CDYL2: variants seen among roughly 807,000 people sequenced by gnomAD.
CDYL2 encodes the protein chromodomain Y like 2.
CDYL2 carries 23 observed loss-of-function variants against 49.4 expected under a neutral mutation model. The ratio of observed to expected loss-of-function variants is 0.47; its 90% CI spans 0.34 to 0.66. The LOEUF is 0.66. Ranked by LOEUF, CDYL2 falls within the 30% of genes least tolerant of loss-of-function variation. The pLI, the probability that CDYL2 is intolerant of heterozygous loss-of-function variation, is 0.01. For missense variants in CDYL2, 678 were observed against 656.4 expected, an observed-to-expected ratio of 1.03 and a Z score of -0.36; for synonymous variants, 360 against 268.8, an observed-to-expected ratio of 1.34 and a Z score of -3.32.
chr16:80,726,297 T>C (rs1905160323), intron 1 of CDYL2, among the ~76,000 whole-genome samples: 1 of 152,220 alleles, frequency 6.6e-6, no homozygotes, highest in South Asian at 2.1e-4. Flanking sequence ...CATTTGTTTT[T>C]AAAACCAACA....
chr16:80,662,244 G>T (rs117637244), intron 2 of CDYL2, among the ~76,000 whole-genome samples: 2 of 152,168 alleles, frequency 1.3e-5, no homozygotes, highest in Non-Finnish European at 2.9e-5. Flanking sequence ...AGAACACAGC[G>T]TGAGTGCTAT....
At chr16:80,682,914 G>A (rs6564779) in intron 2 of CDYL2, among the ~76,000 whole-genome samples, 90,087 of 152,080 alleles carry the variant, frequency 0.59, 27,197 homozygotes, top group Middle Eastern at 0.75. Flanking sequence ...AGACGGAAAC[G>A]TGAGTCAGTC....
intron 1 of CDYL2, among the ~76,000 whole-genome samples, chr16:80,697,782 AAG>A (rs1279307368): frequency 6.6e-6 from 1 of 152,174 alleles, no homozygotes; most frequent in Non-Finnish European, 1.5e-5. Context: ...CTAGCTGAAA[AAG>A]AAATCCCATT....
At position 80,600,067 on chromosome 16, in the gene CDYL2, G is replaced by C. The variant is rs945597010; in HGVS notation, c.*4321C>G. On this transcript the variant is annotated 3_prime_UTR_variant, in exon 7 of 7. Transcript: ENST00000570137. ...CACAAACTCCATCAACTGCCACACAGTGAGAATTTACGGGGAGATCTTAAA... is the reference window on the plus strand; with the variant it reads ...CACAAACTCCATCAACTGCCACACACTGAGAATTTACGGGGAGATCTTAAA... 10 of 152,214 alleles carry C rather than the reference G, an allele frequency of 6.6e-5. No individual in the cohort carries two copies. Among genetic ancestry groups the C allele is most frequent in the African/African-American group, 2.4e-4 (10 of 41,456 alleles). 9.4% of individuals were successfully genotyped at this position (152,214 alleles called of 1,614,324 possible).
chr16:80,604,601 A>T, intron 6 of CDYL2, 55 bp from the exon 7 acceptor site: 1 of 1,594,202 alleles, frequency 6.3e-7, no homozygotes, highest in Non-Finnish European at 8.6e-7. Flanking sequence ...CTGCTCCAGA[A>T]CTAGGTACCT....
At chr16:80,621,593 T>C (rs1028529199) in intron 3 of CDYL2, among the ~76,000 whole-genome samples, 3 of 152,146 alleles carry the variant, frequency 2.0e-5, no homozygotes, top group Non-Finnish European at 4.4e-5. Context: ...AGGCCTCCAG[T>C]GAAGAATAAA....
intron 3 of CDYL2, 95 bp downstream of exon 3, chr16:80,632,924 C>A: frequency 8.0e-7 from 1 of 1,255,688 alleles, no homozygotes; most frequent in Non-Finnish European, 1.1e-6. Context: ...CCATCCTCAG[C>A]TCCCTGATGG....
intron 1 of CDYL2, among the ~76,000 whole-genome samples, chr16:80,795,315 G>C (rs1203247337): frequency 1.3e-5 from 2 of 152,182 alleles, no homozygotes; most frequent in Non-Finnish European, 2.9e-5. Flanking sequence ...TGATCAACAT[G>C]AAAATTCTGG....
In CDYL2 at chr16:80,602,598, CAG is replaced by C. The variant is rs1162601708; in HGVS notation, c.*1788_*1789del. The stretch of plus-strand genomic sequence containing the variant: ...ATTGCCAGGAAAAGATAAAGGACCA[CAG>C]AGAGTTAGAGAACTGTCACCAGAAC... On this transcript the variant is annotated 3_prime_UTR_variant, in exon 7 of 7. Coordinates refer to ENST00000570137, the MANE Select transcript of CDYL2 (RefSeq NM_152342.4). The C allele has an allele frequency of 6.6e-6, 1 of 152,294 alleles. No homozygotes were observed. The highest frequency in any genetic ancestry group is 6.5e-5 in the Admixed American group (1 of 15,284). 9.4% of individuals were successfully genotyped at this position (152,294 alleles called of 1,614,324 possible). A position where few individuals can be genotyped will look rare whatever the true frequency, so the allele number is the denominator to read the frequency against.
rs1366603321 is a variant in CDYL2 at position 80,713,653 on chromosome 16, G to A, written c.25-28524C>T. Among the ~76,000 whole-genome samples, 5 of 152,086 alleles carry A rather than the reference G, an allele frequency of 3.3e-5. No individual in the cohort carries two copies. In the South Asian group the frequency reaches 1.0e-3, roughly 32 times the overall value. On this transcript the variant is annotated intron_variant, in intron 1 of 6. Coordinates refer to ENST00000570137, the MANE Select transcript of CDYL2 (RefSeq NM_152342.4). The stretch of plus-strand genomic sequence containing the variant: ...TCCTGTCTTCTAATAATGTGACCTT[G>A]CTCCGCTTCCCATCAACTGGTAGGG...
At chr16:80,611,541 C>A (rs1906596492) in intron 5 of CDYL2, among the ~76,000 whole-genome samples, 1 of 152,150 alleles carries the variant, frequency 6.6e-6, no homozygotes, top group Non-Finnish European at 1.5e-5. Flanking sequence ...TGAACCCCTC[C>A]CTGGTCCTGA....
chr16:80,712,629 C>T (rs181607697), intron 1 of CDYL2, among the ~76,000 whole-genome samples: 2 of 152,120 alleles, frequency 1.3e-5, no homozygotes, highest in East Asian at 1.9e-4. Context: ...TAGGTCTCTG[C>T]GAGGTGCTTG....
intron 2 of CDYL2, among the ~76,000 whole-genome samples, chr16:80,659,025 C>T (rs369902380): frequency 7.9e-5 from 12 of 151,878 alleles, no homozygotes; most frequent in East Asian, 1.9e-4. Context: ...AAGTAAGAAT[C>T]CTTGAATTTG....
intron 3 of CDYL2, among the ~76,000 whole-genome samples, chr16:80,631,884 C>T (rs572779868): frequency 7.2e-5 from 11 of 152,248 alleles, no homozygotes; most frequent in Admixed American, 6.5e-5. Flanking sequence ...AAAAGACAGA[C>T]GTAACAAGTG....
chr16:80,773,043 T>G (rs930207028), intron 1 of CDYL2, among the ~76,000 whole-genome samples: 2 of 152,158 alleles, frequency 1.3e-5, no homozygotes, highest in Non-Finnish European at 2.9e-5. Flanking sequence ...TAAACCTAAC[T>G]GTATGCCATT....
intron 2 of CDYL2, among the ~76,000 whole-genome samples, chr16:80,651,746 G>A (rs1434727881): frequency 6.6e-6 from 1 of 152,196 alleles, no homozygotes; most frequent in East Asian, 1.9e-4. Context: ...AATGAGCGGA[G>A]TTTGTGAAAC....
At chr16:80,721,497 T>C (rs1169518275) in intron 1 of CDYL2, among the ~76,000 whole-genome samples, 1 of 152,178 alleles carries the variant, frequency 6.6e-6, no homozygotes, top group Admixed American at 6.5e-5. Flanking sequence ...GTGGCGATCA[T>C]GACTCTCCAA....
rs1017014579 is a variant in CDYL2, at chr16:80,598,895, T to A, written c.*5493A>T. On this transcript the variant is annotated 3_prime_UTR_variant, in exon 7 of 7. Coordinates refer to ENST00000570137, the MANE Select transcript of CDYL2 (RefSeq NM_152342.4). ...CTATGAAACTCAGGCTTTGTTAGAA[T>A]AATGGAATTCTTTGGTTCTCGGTTT... is the stretch of plus-strand genomic sequence containing the variant. 4.6e-5 allele frequency: 7 copies of A among 152,190 alleles called. No homozygotes were observed. Among genetic ancestry groups the A allele is most frequent in the African/African-American group, 1.7e-4 (7 of 41,440 alleles). The allele number at this position is 152,190 out of a possible 1,614,324, so 9.4% of individuals were successfully genotyped here.
rs2142347741 is a variant in CDYL2 at position 80,599,789 on chromosome 16, C to T, written c.*4599G>A. On this transcript the variant is annotated 3_prime_UTR_variant, in exon 7 of 7. Coordinates refer to ENST00000570137, the MANE Select transcript of CDYL2 (RefSeq NM_152342.4). ...AACAAATGATGGACCAGCAGCCTTC[C>T]CTATGACCGTGTCTAAACCATGTTT... 1 of 152,258 alleles carries T rather than the reference C, an allele frequency of 6.6e-6. No homozygotes were observed. Among genetic ancestry groups the T allele is most frequent in the Admixed American group, 6.5e-5 (1 of 15,284 alleles). The allele number at this position is 152,258 out of a possible 1,614,324, so 9.4% of individuals were successfully genotyped here.
Sources: allele counts gnomAD v4.1 joint callset (sites outside exome capture counted in the v4.1 genomes callset), GRCh38; gene constraint gnomAD v4.1.1; transcripts MANE v1.5; gene names NCBI Gene and HGNC (gene_info 2026-07-23, HGNC 2026-07-21).